Variants in NTRK3 observed in about 807,000 individuals in gnomAD.
The protein encoded by NTRK3 is NT-3 growth factor receptor.
In NTRK3, 24 loss-of-function variants were observed where a neutral mutation model predicts 91.7. The observed-to-expected ratio is 0.26, with a 90% CI of 0.19 to 0.37. NTRK3 has a LOEUF of 0.37. Among genes scored for constraint, NTRK3 ranks in the 10% least tolerant of loss-of-function variants. The pLI is 1.00. For synonymous variants in NTRK3, 483 were observed against 404.0 expected (o/e 1.20, Z -2.34); for missense variants, 880 against 1,068.9 (o/e 0.82, Z 2.46).
intron 13 of NTRK3, among the ~76,000 whole-genome samples, chr15:88,123,591 G>C (rs979417502): frequency 6.6e-6 from 1 of 152,190 alleles, no homozygotes; most frequent in Non-Finnish European, 1.5e-5. Context: ...CAGCCCTCAG[G>C]AGATCCTTAG....
intron 17 of NTRK3, among the ~76,000 whole-genome samples, chr15:87,896,118 A>T (rs2066108293): frequency 6.6e-6 from 1 of 152,196 alleles, no homozygotes; most frequent in African/African-American, 2.4e-5. Context: ...TCAGGACCTC[A>T]TGAGGGCTGT....
chr15:88,009,590 G>A (rs1222384087), intron 14 of NTRK3, among the ~76,000 whole-genome samples: 6 of 152,112 alleles, frequency 3.9e-5, no homozygotes, highest in African/African-American at 7.2e-5. Flanking sequence ...AGAATGATAC[G>A]CTCTGCATAG....
intron 13 of NTRK3, among the ~76,000 whole-genome samples, chr15:88,060,543 G>T (rs1205860650): frequency 6.6e-6 from 1 of 152,128 alleles, no homozygotes; most frequent in African/African-American, 2.4e-5. Context: ...GTGACCAGTG[G>T]CAAGATAAGG....
intron 5 of NTRK3, among the ~76,000 whole-genome samples, chr15:88,154,257 T>C (rs1334697337): frequency 6.6e-6 from 1 of 152,142 alleles, no homozygotes; most frequent in Non-Finnish European, 1.5e-5. Flanking sequence ...CAGAGGTATC[T>C]GCAGCCTACC....
intron 3 of NTRK3, among the ~76,000 whole-genome samples, chr15:88,188,847 C>T (rs1331663761): frequency 6.6e-6 from 1 of 152,232 alleles, no homozygotes; most frequent in Non-Finnish European, 1.5e-5. Context: ...AACCCACTGG[C>T]CAAGAGCCTT....
chr15:88,190,093 G>C (rs2047270949), intron 3 of NTRK3, among the ~76,000 whole-genome samples: 1 of 152,110 alleles, frequency 6.6e-6, no homozygotes, highest in Non-Finnish European at 1.5e-5. Flanking sequence ...CTCGGTCGGT[G>C]GGACTTAGGA....
At chr15:88,088,773 A>T (rs914524234) in intron 13 of NTRK3, among the ~76,000 whole-genome samples, 17 of 152,140 alleles carry the variant, frequency 1.1e-4, no homozygotes, top group African/African-American at 4.1e-4. Flanking sequence ...CATAGTTCCT[A>T]TCTTGGAAGG....
At chr15:88,144,942 C>A (rs1361580812) in intron 6 of NTRK3, among the ~76,000 whole-genome samples, 1 of 152,160 alleles carries the variant, frequency 6.6e-6, no homozygotes, top group African/African-American at 2.4e-5. Context: ...ACACCCTCTG[C>A]CCCTTCTGTC....
chr15:87,899,273 G>A (rs1443193989), intron 17 of NTRK3, among the ~76,000 whole-genome samples: 1 of 152,188 alleles, frequency 6.6e-6, no homozygotes, highest in Non-Finnish European at 1.5e-5. Flanking sequence ...TAATTTTCAA[G>A]TGTCTTGGAC....
chr15:88,206,338 C>T (rs1291037163), intron 3 of NTRK3, among the ~76,000 whole-genome samples: 3 of 124,442 alleles, frequency 2.4e-5, no homozygotes, highest in African/African-American at 6.3e-5. Context: ...AGCGAGACTC[C>T]ATCTCAAAAA....
chr15:88,218,149 C>T (rs965053167), intron 3 of NTRK3, among the ~76,000 whole-genome samples: 2 of 152,146 alleles, frequency 1.3e-5, no homozygotes, highest in African/African-American at 4.8e-5. Context: ...TCTAGTCTAG[C>T]CTGACTACGT....
At chr15:87,979,481 A>G (rs750715570) in intron 14 of NTRK3, 1 of 1,552,450 alleles carries the variant, frequency 6.4e-7, no homozygotes, top group South Asian at 1.1e-5. Flanking sequence ...AAACAAAAAG[A>G]AAAAAAAACA....
At chr15:87,979,456 T>A (rs1209159084) in intron 14 of NTRK3, 1 of 1,602,824 alleles carries the variant, frequency 6.2e-7, no homozygotes, top group African/African-American at 1.3e-5. Flanking sequence ...ACATAATTTC[T>A]CTGAAACCTA....
chr15:88,085,159 A>G, intron 13 of NTRK3, among the ~76,000 whole-genome samples: 1 of 152,166 alleles, frequency 6.6e-6, no homozygotes, highest in East Asian at 1.9e-4. Flanking sequence ...CTTTCTTCCT[A>G]CGTTGAGAAA....
At chr15:88,145,333 C>T (rs1053699265) in intron 6 of NTRK3, among the ~76,000 whole-genome samples, 2 of 152,212 alleles carry the variant, frequency 1.3e-5, no homozygotes, top group African/African-American at 4.8e-5. Context: ...AGGGTGATTG[C>T]TCCTTAGAGG....
At chr15:88,031,364 G>A (rs189193746) in intron 14 of NTRK3, among the ~76,000 whole-genome samples, 3 of 152,166 alleles carry the variant, frequency 2.0e-5, no homozygotes, top group Non-Finnish European at 4.4e-5. Flanking sequence ...AGGAAACTCA[G>A]TATCAACCCT....
chr15:88,189,339 G>C (rs192484668), intron 3 of NTRK3, among the ~76,000 whole-genome samples: 38 of 152,214 alleles, frequency 2.5e-4, no homozygotes, highest in Non-Finnish European at 5.4e-4. Flanking sequence ...AATGGGACAT[G>C]GCATAAATTA....
chr15:88,141,350 C>T (rs999102828), intron 6 of NTRK3, among the ~76,000 whole-genome samples: 5 of 152,200 alleles, frequency 3.3e-5, no homozygotes, highest in African/African-American at 9.6e-5. Flanking sequence ...CATTTCTTCA[C>T]GTAACCCTCA....
intron 17 of NTRK3, 26 bp from the exon 18 acceptor site, chr15:87,885,761 T>A (rs1232556375): frequency 9.2e-7 from 1 of 1,085,988 alleles, no homozygotes; most frequent in Non-Finnish European, 1.2e-6. Context: ...AAAACAATAA[T>A]AATATTAGAA....
Sources: gnomAD v4.1 joint callset for allele counts (sites outside exome capture counted in the v4.1 genomes callset) on GRCh38, gnomAD v4.1.1 for gene constraint, MANE v1.5 for transcripts, NCBI Gene and HGNC (gene_info 2026-07-23, HGNC 2026-07-21) for gene names.